Variants in TUBA1C observed in about 807,000 individuals in gnomAD.
TUBA1C encodes the protein tubulin alpha-1C chain.
TUBA1C carries 16 observed loss-of-function variants against 34.9 expected under a neutral mutation model. The ratio of observed to expected loss-of-function variants is 0.46; its 90% confidence interval spans 0.31 to 0.70. The LOEUF is 0.70. TUBA1C is among the 30% of genes least tolerant of loss of function. The pLI, the probability that TUBA1C is intolerant of heterozygous loss-of-function variation, is 0.05. For synonymous variants in TUBA1C, 177 were observed against 215.9 expected (o/e 0.82, Z 1.58); for missense variants, 329 against 587.3 (o/e 0.56, Z 4.55).
At chr12:49,246,842 A>C (rs1019659550) in intron 1 of TUBA1C, among the ~76,000 whole-genome samples, 2 of 152,114 alleles carry the variant, frequency 1.3e-5, no homozygotes, top group African/African-American at 2.4e-5. Context: ...CTAGGAAGCC[A>C]GACTTAAAAA....
intron 1 of TUBA1C, among the ~76,000 whole-genome samples, chr12:49,250,895 A>T (rs940931714): frequency 2.0e-5 from 3 of 149,658 alleles, no homozygotes; most frequent in Admixed American, 6.6e-5. Flanking sequence ...TCAAGTGGTT[A>T]AAAAAAATGA....
chr12:49,267,998 G>A (rs902878003), intron 1 of TUBA1C, among the ~76,000 whole-genome samples: 1 of 152,166 alleles, frequency 6.6e-6, no homozygotes, highest in Non-Finnish European at 1.5e-5. Context: ...TTACTTAGCA[G>A]GTGTGGGTTT....
chr12:49,258,511 T>G (rs1942809307), intron 1 of TUBA1C, among the ~76,000 whole-genome samples: 1 of 152,088 alleles, frequency 6.6e-6, no homozygotes, highest in African/African-American at 2.4e-5. Context: ...CACTGCAACC[T>G]CCACCTCCCT....
intron 1 of TUBA1C, among the ~76,000 whole-genome samples, chr12:49,259,699 C>G (rs1942823491): frequency 6.6e-6 from 1 of 152,196 alleles, no homozygotes; most frequent in African/African-American, 2.4e-5. Flanking sequence ...TGTTAAGTGA[C>G]ACATGGCTGT....
At chr12:49,253,692 T>G (rs1266505244) in intron 1 of TUBA1C, among the ~76,000 whole-genome samples, 2 of 152,154 alleles carry the variant, frequency 1.3e-5, no homozygotes, top group African/African-American at 2.4e-5. Context: ...CACACCATGC[T>G]AATTTTAAAT....
rs77157606 is a variant in TUBA1C, at chr12:49,268,609, G to A, written c.4-856G>A. On this transcript the variant is annotated intron_variant, in intron 1 of 3. Transcript: ENST00000301072. ...TTATTATTATGGTCTTCCCTCTTCC[G>A]GAGATGTTTTGACGGTGAAGGAAAA... Among the ~76,000 whole-genome samples the A allele has an allele frequency of 2.1e-3, 323 of 152,182 alleles. 2 individuals are homozygous for A. Among genetic ancestry groups the A allele is most frequent in the African/African-American group, 7.5e-3 (312 of 41,514 alleles).
upstream of TUBA1C, among the ~76,000 whole-genome samples, chr12:49,263,548 G>T (rs1942862201): frequency 6.6e-6 from 1 of 151,932 alleles, no homozygotes; most frequent in African/African-American, 2.4e-5. Context: ...AGTATATCTT[G>T]AACTCCTGAC....
At chr12:49,242,887 T>G (rs1412372019) in intron 1 of TUBA1C, among the ~76,000 whole-genome samples, 1 of 151,886 alleles carries the variant, frequency 6.6e-6, no homozygotes, top group Non-Finnish European at 1.5e-5. Flanking sequence ...CACTGCAACC[T>G]CTGCCTCCCA....
chr12:49,254,476 C>T (rs964297393), intron 1 of TUBA1C, among the ~76,000 whole-genome samples: 1 of 99,998 alleles, frequency 1.0e-5, no homozygotes, highest in East Asian at 3.4e-4. Context: ...AGCGAGGCTC[C>T]ATCTAAACAA....
Position 49,269,945 on chromosome 12 carries a change from T to A in TUBA1C, c.344T>A (p.Ile115Asn). ...CACTACACCATTGGCAAGGAGATCA[T>A]TGACCTCGTGTTGGACCGAATTCGC... is the stretch of plus-strand genomic sequence containing the variant. ...RGHYTIGKEI[I>N]DLVLDRIRKL... Residue 115 changes from isoleucine to asparagine, a missense_variant, in exon 3 of 4, where the codon ATT becomes AAT. Transcript: ENST00000301072. 1.9e-6 allele frequency: 3 copies of A among 1,614,232 alleles called. No individual in the cohort carries two copies. Among genetic ancestry groups the A allele is most frequent in the Non-Finnish European group, 2.5e-6 (3 of 1,180,054 alleles).
At chr12:49,267,448 C>T (rs1352536004) in intron 1 of TUBA1C, among the ~76,000 whole-genome samples, 1 of 152,082 alleles carries the variant, frequency 6.6e-6, no homozygotes, top group Non-Finnish European at 1.5e-5. Context: ...CACCCGAGGT[C>T]AGGAGTTCAA....
In TUBA1C at chr12:49,265,125, T is replaced by G; in HGVS notation, c.-57T>G. On this transcript the variant is annotated 5_prime_UTR_variant, in exon 1 of 4. Coordinates refer to ENST00000301072, the MANE Select transcript of TUBA1C (RefSeq NM_032704.5). The stretch of plus-strand genomic sequence containing the variant: ...TCCTTGGTAGTCTGTTAGTGGGAGA[T>G]CCTTGTTGCCGTCCCTTCGCCTCCT... 1 of 1,584,390 alleles carries G rather than the reference T, an allele frequency of 6.3e-7. No homozygotes were observed. Among genetic ancestry groups the G allele is most frequent in the Non-Finnish European group, 8.6e-7 (1 of 1,160,954 alleles).
upstream of TUBA1C, among the ~76,000 whole-genome samples, chr12:49,263,872 G>T (rs1193790562): frequency 6.6e-6 from 1 of 152,124 alleles, no homozygotes; most frequent in Non-Finnish European, 1.5e-5. Flanking sequence ...GTAAACTAGG[G>T]ATAATAATTC....
chr12:49,246,671 A>C (rs1356881698), intron 1 of TUBA1C, among the ~76,000 whole-genome samples: 1 of 151,866 alleles, frequency 6.6e-6, no homozygotes, highest in East Asian at 2.0e-4. Context: ...CCGTCTCAAA[A>C]AAAAAAGAGA....
At chr12:49,264,988 GC>G (rs1206064995), upstream of TUBA1C, 2 of 754,410 alleles carry the variant, frequency 2.7e-6, no homozygotes, top group African/African-American at 3.7e-5. Context: ...CGAAGGTGGG[GC>G]CGCAGCGGCA....
intron 1 of TUBA1C, among the ~76,000 whole-genome samples, chr12:49,265,438 TC>T (rs1354985739): frequency 6.6e-6 from 1 of 152,100 alleles, no homozygotes; most frequent in Non-Finnish European, 1.5e-5. Context: ...GTGAGGGCTT[TC>T]CCCGCAGGGC....
At chr12:49,254,660 G>A (rs1413895854) in intron 1 of TUBA1C, among the ~76,000 whole-genome samples, 1 of 152,056 alleles carries the variant, frequency 6.6e-6, no homozygotes, top group African/African-American at 2.4e-5. Context: ...GGAACTCTGG[G>A]AACCCGGTAG....
In TUBA1C at chr12:49,258,330, T is replaced by C. The variant is rs1420626732; in HGVS notation, c.214-11135T>C. Among the ~76,000 whole-genome samples the C allele has an allele frequency of 3.9e-5, 6 of 152,104 alleles. No homozygotes were observed. The East Asian group carries it at 1.2e-3, about 29-fold the overall frequency. On this transcript the variant is annotated intron_variant, in intron 1 of 3. Transcript: ENST00000541364. ...GGCTCCCACCTGTAATCCCAGCACT[T>C]TGGGAGGCCCAGGAGGGAGCATCAC...
At chr12:49,267,701 T>C (rs1471299808) in intron 1 of TUBA1C, among the ~76,000 whole-genome samples, 6 of 152,186 alleles carry the variant, frequency 3.9e-5, no homozygotes, top group South Asian at 2.1e-4. Flanking sequence ...ACTACTCCTG[T>C]TCTCCCACAC....
Sources: allele counts gnomAD v4.1 joint callset (sites outside exome capture counted in the v4.1 genomes callset), GRCh38; gene constraint gnomAD v4.1.1; transcripts MANE v1.5; gene names NCBI Gene and HGNC (gene_info 2026-07-23, HGNC 2026-07-21).